Variants in ATAD2B observed in about 807,000 individuals in gnomAD.
The protein encoded by ATAD2B is ATPase family AAA domain containing 2B.
A neutral mutation model predicts 167.6 loss-of-function variants in ATAD2B; 40 were observed. The observed-to-expected ratio is 0.24, with a 90% CI of 0.19 to 0.31. The LOEUF (loss-of-function observed/expected upper bound fraction) is 0.31. Among genes scored for constraint, ATAD2B ranks in the 10% least tolerant of loss-of-function variants. The pLI is 1.00. For synonymous variants in ATAD2B, 579 were observed against 596.5 expected (o/e 0.97, Z 0.43); for missense variants, 1,242 against 1,757.2 (o/e 0.71, Z 5.24).
the ATAD2B span, among the ~76,000 whole-genome samples, chr2:23,713,641 G>A: frequency 6.6e-6 from 1 of 151,980 alleles, no homozygotes; most frequent in East Asian, 1.9e-4. Flanking sequence ...TATTGCGAAC[G>A]TTTCATAAAA....
intron 1 of ATAD2B, 30 bp from the exon 2 acceptor site, chr2:23,896,000 T>C (rs772074013): frequency 6.4e-7 from 1 of 1,552,564 alleles, no homozygotes; most frequent in Non-Finnish European, 8.8e-7. Flanking sequence ...ATGTATTTAT[T>C]ATTCCTATTA....
intron 1 of ATAD2B, among the ~76,000 whole-genome samples, chr2:23,899,613 T>TGA (rs1700558165): frequency 1.3e-5 from 2 of 152,088 alleles, no homozygotes; most frequent in Admixed American, 1.3e-4. Context: ...TTCTCTGAGA[T>TGA]GGAGTCTCGC....
intron 8 of ATAD2B, among the ~76,000 whole-genome samples, chr2:23,873,563 C>T (rs1435746004): frequency 6.6e-6 from 1 of 152,138 alleles, no homozygotes; most frequent in African/African-American, 2.4e-5. Flanking sequence ...TAAATCATCT[C>T]TAAATTAATT....
chr2:23,690,578 A>T, the ATAD2B span: 1 of 152,228 alleles, frequency 6.6e-6, no homozygotes, highest in African/African-American at 2.4e-5. Context: ...TTTCCCAGCC[A>T]CGTGGCCAGG....
chr2:23,807,316 A>C (rs1684563265), intron 18 of ATAD2B, among the ~76,000 whole-genome samples: 1 of 152,098 alleles, frequency 6.6e-6, no homozygotes, highest in African/African-American at 2.4e-5. Flanking sequence ...GTACATTCAC[A>C]TATGGAGTTG....
chr2:23,884,326 T>C (rs1430560962), intron 6 of ATAD2B, among the ~76,000 whole-genome samples: 1 of 152,294 alleles, frequency 6.6e-6, no homozygotes, highest in East Asian at 1.9e-4. Flanking sequence ...CCCTTTCCAC[T>C]GGTATTAGAA....
chr2:23,808,204 A>T (rs1318389722), intron 18 of ATAD2B, among the ~76,000 whole-genome samples: 1 of 107,084 alleles, frequency 9.3e-6, no homozygotes, highest in Non-Finnish European at 2.1e-5. Context: ...TATTTATATA[A>T]AAATATATAT....
At chr2:23,854,467 C>G (rs1338305479) in intron 13 of ATAD2B, among the ~76,000 whole-genome samples, 1 of 151,942 alleles carries the variant, frequency 6.6e-6, no homozygotes, top group Non-Finnish European at 1.5e-5. Flanking sequence ...CACCTGAGGT[C>G]AGGAGTTCTA....
chr2:23,901,497 G>A (rs774522439), intron 1 of ATAD2B, among the ~76,000 whole-genome samples: 2 of 151,938 alleles, frequency 1.3e-5, no homozygotes, highest in Non-Finnish European at 2.9e-5. Context: ...CATCTTTAAA[G>A]TGTCATGTCC....
chr2:23,851,008 G>A (rs930089005), intron 13 of ATAD2B, among the ~76,000 whole-genome samples: 1 of 152,122 alleles, frequency 6.6e-6, no homozygotes, highest in Admixed American at 6.5e-5. Flanking sequence ...ACCATTTAAG[G>A]ACACAAGAGA....
chr2:23,720,411 T>G, the ATAD2B span, among the ~76,000 whole-genome samples: 1 of 151,838 alleles, frequency 6.6e-6, no homozygotes, highest in Non-Finnish European at 1.5e-5. Context: ...CCATCTCTAT[T>G]AAAAGTACAA....
At chr2:23,686,157 G>A in the ATAD2B span, among the ~76,000 whole-genome samples, 7 of 18,488 alleles carry the variant, frequency 3.8e-4, no homozygotes, top group East Asian at 8.5e-3. Context: ...GCAGGGTGGG[G>A]CAGATGGCCC....
At chr2:23,776,136 T>C (rs1679091436) in intron 22 of ATAD2B, among the ~76,000 whole-genome samples, 1 of 151,958 alleles carries the variant, frequency 6.6e-6, no homozygotes, top group Non-Finnish European at 1.5e-5. Flanking sequence ...AATAAATAAA[T>C]AAAGTCTGCA....
chr2:23,862,596 T>C (rs1174029887), intron 12 of ATAD2B, among the ~76,000 whole-genome samples: 3 of 152,064 alleles, frequency 2.0e-5, no homozygotes, highest in African/African-American at 7.2e-5. Context: ...TTAAAACGTA[T>C]AGGAAATAAT....
chr2:23,745,960 T>G (rs1216411396), downstream of ATAD2B, among the ~76,000 whole-genome samples: 2 of 152,226 alleles, frequency 1.3e-5, no homozygotes, highest in East Asian at 3.8e-4. Flanking sequence ...TGACCTGTGA[T>G]GACAGAGAAC....
intron 13 of ATAD2B, among the ~76,000 whole-genome samples, chr2:23,857,009 AAC>A (rs1299175927): frequency 6.6e-6 from 1 of 152,086 alleles, no homozygotes; most frequent in African/African-American, 2.4e-5. Flanking sequence ...AGGAGTTGAA[AAC>A]CAGCCTAGGC....
At chr2:23,810,582 A>G in intron 17 of ATAD2B, 80 bp from the exon 18 acceptor site, 1 of 1,128,340 alleles carries the variant, frequency 8.9e-7, no homozygotes, top group Middle Eastern at 2.3e-4. Flanking sequence ...AAATTTTTAC[A>G]TTAAAACAAT....
chr2:23,771,377 T>A (rs974044771), intron 22 of ATAD2B, among the ~76,000 whole-genome samples: 1 of 152,208 alleles, frequency 6.6e-6, no homozygotes, highest in African/African-American at 2.4e-5. Context: ...ATGTTTCTGA[T>A]CTTAAGGAGA....
At chr2:23,680,482 C>T in the ATAD2B span, among the ~76,000 whole-genome samples, 7 of 152,186 alleles carry the variant, frequency 4.6e-5, no homozygotes, top group African/African-American at 1.7e-4. The surrounding 1 kb of genome is among the most constrained non-coding windows in gnomAD (Gnocchi z 4.1). Flanking sequence ...CGCTCAAAGC[C>T]GAGGAGACCC....
Sources: allele counts gnomAD v4.1 joint callset (sites outside exome capture counted in the v4.1 genomes callset), GRCh38; gene constraint gnomAD v4.1.1; non-coding constraint Gnocchi (gnomAD v3.1); transcripts MANE v1.5; gene names NCBI Gene and HGNC (gene_info 2026-07-23, HGNC 2026-07-21).